UBTD1: variants seen among roughly 807,000 people sequenced by gnomAD.
UBTD1 encodes the protein ubiquitin domain-containing protein 1.
In UBTD1, 19 loss-of-function variants were observed where a neutral mutation model predicts 21.7. The observed-to-expected ratio is 0.87, with a 90% confidence interval of 0.61 to 1.28. The LOEUF (loss-of-function observed/expected upper bound fraction) is 1.28. Ranked by LOEUF, UBTD1 falls within the 50% of genes most tolerant of loss-of-function variation. The probability of loss-of-function intolerance (pLI) is 0.00; values close to 1 mark genes in which losing one functional copy is unlikely to be tolerated. For synonymous variants in UBTD1, 116 were observed against 135.1 expected, an observed-to-expected ratio of 0.86 and a Z score of 0.98; for missense variants, 282 against 315.1, an observed-to-expected ratio of 0.89 and a Z score of 0.80.
intron 1 of UBTD1, among the ~76,000 whole-genome samples, chr10:97,502,818 C>CAT (rs10678727): frequency 0.65 from 98,430 of 150,410 alleles, 32,905 homozygotes; most frequent in African/African-American, 0.81. Flanking sequence ...GATTGTCACT[C>CAT]ATATGTGTGT....
At chr10:97,556,321 C>T (rs747061572) in intron 1 of UBTD1, among the ~76,000 whole-genome samples, 2 of 81,420 alleles carry the variant, frequency 2.5e-5, no homozygotes, top group Non-Finnish European at 5.3e-5. Context: ...TATGTGTAGA[C>T]AACAATTAGT....
chr10:97,532,385 C>T (rs935113692), intron 1 of UBTD1, among the ~76,000 whole-genome samples: 1 of 152,232 alleles, frequency 6.6e-6, no homozygotes, highest in Non-Finnish European at 1.5e-5. Flanking sequence ...GTGGCTCATG[C>T]CTGTAATCCC....
In UBTD1 at chr10:97,499,257, C is replaced by A. The variant is rs567004378; in HGVS notation, c.54C>A (p.His18Gln). The A allele has an allele frequency of 1.2e-5, 18 of 1,548,470 alleles. No homozygotes were observed. The highest frequency in any genetic ancestry group is 1.3e-5 in the Non-Finnish European group (15 of 1,145,784). The change falls in exon 1 of 3, where the codon CAC becomes CAA. Residue 18 changes from histidine (H) to glutamine (Q), a missense_variant. Physicochemically the swap from His to Gln is conservative, Grantham distance 24. Coordinates refer to ENST00000370664, the MANE Select transcript of UBTD1 (RefSeq NM_024954.5). Reference sequence around the variant, plus strand: ...GGGAGAGGCCGGCAGCCCCGGGACACCCCCGCAAGCGAGCAGGTAACGATG... The same window carrying A: ...GGGAGAGGCCGGCAGCCCCGGGACAACCCCGCAAGCGAGCAGGTAACGATG... The part of the protein sequence containing the change: ...QRRERPAAPG[H>Q]PRKRAGRNEP...
At chr10:97,539,755 T>C (rs994513789) in intron 1 of UBTD1, among the ~76,000 whole-genome samples, 1 of 152,104 alleles carries the variant, frequency 6.6e-6, no homozygotes, top group Non-Finnish European at 1.5e-5. Context: ...GGTCCTGCTC[T>C]TGTGGCCTGG....
chr10:97,554,560 T>G (rs759839721), intron 1 of UBTD1, among the ~76,000 whole-genome samples: 8 of 152,014 alleles, frequency 5.3e-5, no homozygotes, highest in Non-Finnish European at 1.2e-4. Context: ...TATTTATTTA[T>G]TTATTTATGA....
chr10:97,499,410 G>A (rs1327952629), intron 1 of UBTD1, 137 bp downstream of exon 1: 5 of 1,157,484 alleles, frequency 4.3e-6, no homozygotes, highest in Non-Finnish European at 4.7e-6. Context: ...CGCAGCCAGA[G>A]GGGGCCGCTC....
intron 1 of UBTD1, among the ~76,000 whole-genome samples, chr10:97,540,868 G>A (rs576734312): frequency 3.3e-5 from 5 of 152,228 alleles, no homozygotes; most frequent in South Asian, 2.1e-4. Context: ...CACCATGTGG[G>A]TTAGACCCCA....
chr10:97,538,600 C>T (rs746236288), intron 1 of UBTD1, among the ~76,000 whole-genome samples: 63 of 152,174 alleles, frequency 4.1e-4, no homozygotes, highest in African/African-American at 1.3e-3. Flanking sequence ...CTCGTCTGGA[C>T]GTCCACCGTG....
At chr10:97,513,403 G>C (rs1213985091) in intron 1 of UBTD1, among the ~76,000 whole-genome samples, 1 of 152,216 alleles carries the variant, frequency 6.6e-6, no homozygotes, top group East Asian at 1.9e-4. Flanking sequence ...CTTTTAACAA[G>C]AGTTGGGATG....
chr10:97,547,833 G>A (rs2040618409), intron 1 of UBTD1, among the ~76,000 whole-genome samples: 1 of 152,098 alleles, frequency 6.6e-6, no homozygotes, highest in African/African-American at 2.4e-5. Context: ...CCAAGTGCTG[G>A]GATCACAGGC....
chr10:97,500,918 C>T (rs1307418603), intron 1 of UBTD1, among the ~76,000 whole-genome samples: 1 of 152,218 alleles, frequency 6.6e-6, no homozygotes, highest in Non-Finnish European at 1.5e-5. Context: ...CCAGATTTAA[C>T]ACCTCCAAAA....
chr10:97,528,038 C>A (rs1474934601), intron 1 of UBTD1, among the ~76,000 whole-genome samples: 1 of 148,626 alleles, frequency 6.7e-6, no homozygotes, highest in Non-Finnish European at 1.5e-5. Context: ...GCAGAGGCGC[C>A]CCTCACCTCC....
intron 1 of UBTD1, 82 bp from the exon 2 acceptor site, chr10:97,567,832 T>TGGGGAGGGGA: frequency 1.0e-5 from 13 of 1,303,140 alleles, no homozygotes; most frequent in Non-Finnish European, 1.4e-5. Context: ...GGGTCTGGCC[T>TGGGGAGGGGA]GGGGAGGGGA....
intron 1 of UBTD1, among the ~76,000 whole-genome samples, chr10:97,528,044 C>A (rs2040498812): frequency 6.8e-6 from 1 of 148,010 alleles, no homozygotes; most frequent in African/African-American, 2.5e-5. Context: ...GCGCCCCTCA[C>A]CTCCCGGACG....
intron 1 of UBTD1, among the ~76,000 whole-genome samples, chr10:97,548,409 G>A (rs191381352): frequency 2.4e-4 from 37 of 152,292 alleles, no homozygotes; most frequent in African/African-American, 6.7e-4. Context: ...AGGGAAGTGC[G>A]GTAATTCCCA....
chr10:97,499,788 A>AT (rs2040334909), intron 1 of UBTD1, among the ~76,000 whole-genome samples: 1 of 152,054 alleles, frequency 6.6e-6, no homozygotes, highest in South Asian at 2.1e-4. Flanking sequence ...AGAAATCTTT[A>AT]TTTTTCCCGC....
intron 1 of UBTD1, among the ~76,000 whole-genome samples, chr10:97,501,108 C>T (rs2040374726): frequency 6.6e-6 from 1 of 152,168 alleles, no homozygotes; most frequent in African/African-American, 2.4e-5. Flanking sequence ...ACTTGCAAAC[C>T]TGCCCCTTGC....
chr10:97,504,442 C>T (rs192754804), intron 1 of UBTD1, among the ~76,000 whole-genome samples: 40 of 152,268 alleles, frequency 2.6e-4, no homozygotes, highest in African/African-American at 9.1e-4. Flanking sequence ...TTCAACCCCC[C>T]GATATCTGAA....
intron 1 of UBTD1, among the ~76,000 whole-genome samples, chr10:97,537,335 G>C (rs1374869398): frequency 6.6e-6 from 1 of 152,164 alleles, no homozygotes; most frequent in African/African-American, 2.4e-5. Flanking sequence ...GGGTTACCTT[G>C]GGGGTCGGGT....
Sources: allele counts gnomAD v4.1 joint callset (sites outside exome capture counted in the v4.1 genomes callset), GRCh38; gene constraint gnomAD v4.1.1; transcripts MANE v1.5; gene names NCBI Gene and HGNC (gene_info 2026-07-23, HGNC 2026-07-21).